The following GRIK1 variants were observed in gnomAD, a reference collection of about 807,000 sequenced individuals.
The protein encoded by GRIK1 is glutamate receptor ionotropic, kainate 1.
In GRIK1, 69 loss-of-function variants were observed where a neutral mutation model predicts 105.7. The ratio of observed to expected loss-of-function variants is 0.65; its 90% confidence interval spans 0.54 to 0.80. The LOEUF (loss-of-function observed/expected upper bound fraction) is 0.80, where lower values mean the gene tolerates loss of function less well. Ranked by LOEUF, GRIK1 falls within the 30% of genes least tolerant of loss-of-function variation. GRIK1 has a pLI of 0.00. For missense variants in GRIK1, 1,109 were observed against 1,167.3 expected (o/e 0.95, Z 0.73); for synonymous variants, 438 against 431.3 (o/e 1.02, Z -0.19).
chr21:29,811,782 T>C (rs1284670340), intron 1 of GRIK1, among the ~76,000 whole-genome samples: 1 of 152,182 alleles, frequency 6.6e-6, no homozygotes, highest in East Asian at 1.9e-4. Flanking sequence ...ACCTTCATTA[T>C]AGTCTAGATG....
At chr21:29,926,557 G>T (rs993629611) in intron 1 of GRIK1, among the ~76,000 whole-genome samples, 4 of 152,060 alleles carry the variant, frequency 2.6e-5, no homozygotes, top group East Asian at 1.9e-4. Context: ...AAATGAAAAA[G>T]TTGGACTTTA....
At chr21:29,836,180 G>A (rs886944758) in intron 1 of GRIK1, among the ~76,000 whole-genome samples, 13 of 152,186 alleles carry the variant, frequency 8.5e-5, no homozygotes, top group Non-Finnish European at 1.9e-4. Flanking sequence ...CTACCAGCAG[G>A]AAATTGAACT....
intron 1 of GRIK1, among the ~76,000 whole-genome samples, chr21:29,874,894 C>G (rs2069137375): frequency 6.6e-6 from 1 of 152,008 alleles, no homozygotes. Flanking sequence ...TTTTAAAAGC[C>G]TATTTCAAAG....
At chr21:29,549,312 T>A (rs2090092905) in intron 16 of GRIK1, among the ~76,000 whole-genome samples, 1 of 152,192 alleles carries the variant, frequency 6.6e-6, no homozygotes. Context: ...TACTATCTAC[T>A]TTTAAATAAT....
chr21:29,803,019 A>G (rs2066755648), intron 1 of GRIK1, among the ~76,000 whole-genome samples: 1 of 152,158 alleles, frequency 6.6e-6, no homozygotes, highest in African/African-American at 2.4e-5. Flanking sequence ...CCTCAAGCAG[A>G]CAGTGAAATT....
At chr21:29,801,402 A>G (rs530958506) in intron 1 of GRIK1, among the ~76,000 whole-genome samples, 1 of 152,214 alleles carries the variant, frequency 6.6e-6, no homozygotes, top group South Asian at 2.1e-4. Context: ...CAGGCTATTG[A>G]TCAGGGGCTT....
chr21:29,849,083 TTAAATGAA>T lies in GRIK1; in HGVS notation c.118+90292_118+90299del, dbSNP rs1214710220. 2.6e-5 allele frequency among the ~76,000 whole-genome samples: 4 copies of T among 152,158 alleles called. No individual in the cohort carries two copies. In the East Asian group the frequency reaches 7.7e-4, roughly 29 times the overall value. On this transcript the variant is annotated intron_variant, in intron 1 of 17. Transcript: ENST00000327783. The stretch of plus-strand genomic sequence containing the variant: ...CATATAATAGTTGCCAAAATATTTA[TTAAATGAA>T]TAAATGAATGATTAAGCATATTGTT...
chr21:29,659,829 G>T (rs760954467), intron 4 of GRIK1, among the ~76,000 whole-genome samples: 1 of 152,114 alleles, frequency 6.6e-6, no homozygotes, highest in African/African-American at 2.4e-5. Flanking sequence ...GGCAGTGGTG[G>T]TGCGTGCCTG....
chr21:29,787,934 G>A (rs2066303714), intron 1 of GRIK1, among the ~76,000 whole-genome samples: 1 of 152,152 alleles, frequency 6.6e-6, no homozygotes, highest in Non-Finnish European at 1.5e-5. Context: ...GATCTCCCAA[G>A]AGAAATAACT....
intron 2 of GRIK1, among the ~76,000 whole-genome samples, chr21:29,690,345 G>C (rs1255172248): frequency 6.6e-6 from 1 of 152,168 alleles, no homozygotes; most frequent in Non-Finnish European, 1.5e-5. Context: ...TGCCAAATGA[G>C]TGTTGTATGA....
rs1055363937 is a variant in GRIK1, at chr21:29,811,576, T to G, written c.119-117513A>C. ...TTAGTGGAGTTTCCTAAAGCAGTGG[T>G]TCTCTACCTCTCTCCTTCTTTAGGA... On this transcript the variant is annotated intron_variant, in intron 1 of 17. Coordinates refer to ENST00000327783, the MANE Select transcript of GRIK1 (RefSeq NM_001330994.2). 9.9e-5 allele frequency among the ~76,000 whole-genome samples: 15 copies of G among 152,220 alleles called. No individual in the cohort carries two copies. The East Asian group carries it at 2.7e-3, about 27-fold the overall frequency.
chr21:29,711,508 C>T lies in GRIK1; in HGVS notation c.119-17445G>A, dbSNP rs539780410. Among the ~76,000 whole-genome samples, 381 of 152,076 alleles carry T rather than the reference C, an allele frequency of 2.5e-3. 2 individuals are homozygous for T. Among genetic ancestry groups the T allele is most frequent in the African/African-American group, 9.0e-3 (374 of 41,496 alleles). ...ATCTAGTATGAGGAATCAGTAACCC[C>T]TTCCCTTACAATAGACACCAAGGAA... On this transcript the variant is annotated intron_variant, in intron 1 of 17. Coordinates refer to ENST00000327783, the MANE Select transcript of GRIK1 (RefSeq NM_001330994.2).
At chr21:29,587,978 TTTTTTTTTTTTTG>T (rs2091168568) in intron 11 of GRIK1, among the ~76,000 whole-genome samples, 1 of 128,524 alleles carries the variant, frequency 7.8e-6, no homozygotes, top group African/African-American at 3.1e-5. Flanking sequence ...TTTTTTTTTT[TTTTTTTTTTTTTG>T]TGAGGCGGAG....
chr21:29,681,114 C>G (rs184620571), intron 3 of GRIK1, among the ~76,000 whole-genome samples: 50 of 152,310 alleles, frequency 3.3e-4, no homozygotes, highest in Non-Finnish European at 5.1e-4. Context: ...GCCTGGATGA[C>G]AGAGAAAGAC....
intron 1 of GRIK1, among the ~76,000 whole-genome samples, chr21:29,848,779 A>ATATATATATT: frequency 0.022 from 1,718 of 77,748 alleles, 33 homozygotes; most frequent in Non-Finnish European, 0.029. Flanking sequence ...ATATATATAT[A>ATATATATATT]TTTTTTTTTT....
At chr21:29,916,647 CAACA>C (rs1217905907) in intron 1 of GRIK1, among the ~76,000 whole-genome samples, 3 of 151,854 alleles carry the variant, frequency 2.0e-5, no homozygotes, top group Non-Finnish European at 4.4e-5. Flanking sequence ...AGAGACAAAG[CAACA>C]AACAGTTCTC....
intron 1 of GRIK1, among the ~76,000 whole-genome samples, chr21:29,897,683 A>G (rs1425132544): frequency 2.0e-5 from 3 of 152,250 alleles, no homozygotes; most frequent in Admixed American, 6.5e-5. Flanking sequence ...GTGACATCTT[A>G]AAAGCTTTGG....
At chr21:29,802,520 T>C (rs781605163) in intron 1 of GRIK1, among the ~76,000 whole-genome samples, 4 of 152,132 alleles carry the variant, frequency 2.6e-5, no homozygotes, top group Non-Finnish European at 4.4e-5. Flanking sequence ...TTGCACCAAA[T>C]GAAAATCTTT....
At chr21:29,565,996 A>AT (rs761281751) in intron 14 of GRIK1, among the ~76,000 whole-genome samples, 4 of 152,150 alleles carry the variant, frequency 2.6e-5, no homozygotes, top group Non-Finnish European at 5.9e-5. Flanking sequence ...AGTAATGTTT[A>AT]TTTTTTGTTA....
Sources: gnomAD v4.1 joint callset for allele counts (sites outside exome capture counted in the v4.1 genomes callset) on GRCh38, gnomAD v4.1.1 for gene constraint, MANE v1.5 for transcripts, NCBI Gene and HGNC (gene_info 2026-07-23, HGNC 2026-07-21) for gene names.